The following KIF24 variants were observed in gnomAD, a reference collection of about 807,000 sequenced individuals.
KIF24 encodes kinesin-like protein KIF24.
In KIF24, 81 loss-of-function variants were observed where a neutral mutation model predicts 118.9. The ratio of observed to expected loss-of-function variants is 0.68; its 90% CI spans 0.57 to 0.82. The LOEUF (loss-of-function observed/expected upper bound fraction) is 0.82. Ranked by LOEUF, KIF24 falls within the 40% of genes least tolerant of loss-of-function variation. The pLI is 0.00. For missense variants in KIF24, 1,560 were observed against 1,661.6 expected, an observed-to-expected ratio of 0.94 and a Z score of 1.06; for synonymous variants, 599 against 610.0, an observed-to-expected ratio of 0.98 and a Z score of 0.27.
At chr9:34,285,836 C>T (rs1489288947) in intron 6 of KIF24, among the ~76,000 whole-genome samples, 11 of 147,532 alleles carry the variant, frequency 7.5e-5, no homozygotes, top group Admixed American at 7.4e-4. Context: ...GCCTGCAGTC[C>T]CCAGCTACTT....
chr9:34,256,646 G>T lies in KIF24; in HGVS notation c.2961C>A (p.Ile987=), dbSNP rs779695907. The change falls in exon 11 of 13, where the codon ATC becomes ATA. Residue 987 remains isoleucine (I), a synonymous_variant. Transcript: ENST00000402558. ...LPSPEEDGFT[I]SLSHVAVPGS... ...CAGGAACTGCAACGTGGGACAATGA[G>T]ATAGTGAAACCATCTTCCTCTGGGG... is the stretch of plus-strand genomic sequence containing the variant. The T allele has an allele frequency of 9.9e-6, 16 of 1,613,958 alleles. No individual in the cohort carries two copies. Among genetic ancestry groups the T allele is most frequent in the Admixed American group, 1.7e-5 (1 of 60,020 alleles).
At chr9:34,297,179 T>A in intron 3 of KIF24, 65 bp from the exon 4 acceptor site, 1 of 951,304 alleles carries the variant, frequency 1.1e-6, no homozygotes, top group South Asian at 1.5e-5. Flanking sequence ...ACTATTCTAG[T>A]TAACAGATGA....
chr9:34,309,557 A>G (rs953722168), intron 2 of KIF24, among the ~76,000 whole-genome samples: 3 of 151,688 alleles, frequency 2.0e-5, no homozygotes, highest in South Asian at 2.1e-4. Flanking sequence ...AAAAAAAAAA[A>G]AAAGAAAATA....
chr9:34,319,178 C>T, intron 1 of KIF24: 2 of 1,603,536 alleles, frequency 1.2e-6, no homozygotes, highest in Non-Finnish European at 1.7e-6. Context: ...CGTGGAGATG[C>T]CCCTGGCCCA....
intron 1 of KIF24, among the ~76,000 whole-genome samples, chr9:34,320,046 C>G (rs1563965509): frequency 6.6e-6 from 1 of 152,134 alleles, no homozygotes; most frequent in African/African-American, 2.4e-5. Flanking sequence ...ACCACCTCAG[C>G]CACCTCCCCA....
intron 10 of KIF24, 116 bp downstream of exon 10, chr9:34,259,480 G>A: frequency 1.3e-6 from 1 of 741,450 alleles, no homozygotes; most frequent in Admixed American, 2.0e-5. Flanking sequence ...GTGAGTGGGA[G>A]AGACATGTGC....
At position 34,318,957 on chromosome 9, in the gene KIF24, T is replaced by C. The variant is rs116899333; in HGVS notation, c.-25-7586A>G. The C allele has an allele frequency of 5.9e-3, 8,641 of 1,461,366 alleles. 390 individuals carry two copies. In the East Asian group the frequency reaches 0.13, roughly 22 times the overall value. The allele number at this position is 1,461,366 out of a possible 1,614,324, so 90.5% of individuals were successfully genotyped here. A position where few individuals can be genotyped will look rare whatever the true frequency, so the allele number is the denominator to read the frequency against. On this transcript the variant is annotated intron_variant, in intron 1 of 12. Coordinates refer to ENST00000402558, the MANE Select transcript of KIF24 (RefSeq NM_194313.4). This position sits in a 1 kb window ranked among gnomAD's most constrained non-coding sequence, Gnocchi z 4.9. ...GCCGTGCAGACCACCGACGGCAAGC[T>C]GCCCAAGGTCACCAAGGACATGGAG... is the stretch of plus-strand genomic sequence containing the variant.
At chr9:34,271,459 T>C (rs184449513) in intron 7 of KIF24, among the ~76,000 whole-genome samples, 2 of 152,314 alleles carry the variant, frequency 1.3e-5, no homozygotes, top group African/African-American at 4.8e-5. Flanking sequence ...AATTGTCTTA[T>C]GGCTTCTTTC....
At chr9:34,279,306 G>A (rs1274969909) in intron 6 of KIF24, among the ~76,000 whole-genome samples, 1 of 152,126 alleles carries the variant, frequency 6.6e-6, no homozygotes, top group Non-Finnish European at 1.5e-5. Context: ...TGTGCTTAAG[G>A]ATACATGGCA....
intron 1 of KIF24, among the ~76,000 whole-genome samples, chr9:34,323,105 A>G (rs1383745542): frequency 6.6e-6 from 1 of 152,214 alleles, no homozygotes; most frequent in Non-Finnish European, 1.5e-5. Context: ...AGATGATACT[A>G]GACAACTGCT....
At chr9:34,325,389 C>T (rs1193800924) in intron 1 of KIF24, among the ~76,000 whole-genome samples, 1 of 147,230 alleles carries the variant, frequency 6.8e-6, no homozygotes, top group Non-Finnish European at 1.5e-5. Context: ...TTTTTATACC[C>T]AGGTTCTAAA....
intron 9 of KIF24, among the ~76,000 whole-genome samples, chr9:34,260,000 C>T (rs1017407829): frequency 3.3e-5 from 5 of 152,216 alleles, no homozygotes; most frequent in South Asian, 4.1e-4. Flanking sequence ...TACTCTTCTA[C>T]GCTAGCATGT....
At chr9:34,271,598 T>G (rs1835511167) in intron 7 of KIF24, among the ~76,000 whole-genome samples, 1 of 152,216 alleles carries the variant, frequency 6.6e-6, no homozygotes, top group African/African-American at 2.4e-5. Flanking sequence ...TTTTAATAAC[T>G]TAGGGTTGAC....
intron 1 of KIF24, among the ~76,000 whole-genome samples, chr9:34,321,735 T>G (rs1182822157): frequency 1.3e-5 from 2 of 151,826 alleles, no homozygotes; most frequent in Middle Eastern, 6.8e-3. Context: ...GTCTCCCAAG[T>G]AGCTGGGACT....
chr9:34,283,024 C>T (rs1444959589), intron 6 of KIF24, among the ~76,000 whole-genome samples: 2 of 125,384 alleles, frequency 1.6e-5, no homozygotes, highest in Non-Finnish European at 3.1e-5. Context: ...TGCACTCCAG[C>T]GTGGGCGACA....
chr9:34,325,720 G>T (rs975027563), intron 1 of KIF24, among the ~76,000 whole-genome samples: 18 of 152,116 alleles, frequency 1.2e-4, no homozygotes, highest in African/African-American at 4.1e-4. Context: ...AAATAAAAGA[G>T]TGATTGGAAA....
chr9:34,256,293 A>G lies in KIF24; in HGVS notation c.3314T>C (p.Val1105Ala), dbSNP rs1385954742. The G allele has an allele frequency of 6.2e-7, 1 of 1,612,068 alleles. No individual in the cohort carries two copies. The highest frequency in any genetic ancestry group is 1.7e-5 in the Admixed American group (1 of 59,832). The change falls in exon 11 of 13, where the codon GTG becomes GCG. Residue 1105 changes from valine (V) to alanine (A), a missense_variant. Physicochemically the swap from Val to Ala is moderately conservative, Grantham distance 64. Transcript: ENST00000402558. Reference sequence around the variant, plus strand: ...CCACAGGTGCCTAGTTGCTGAAGACACTGGCAAGGCTGCCTCTTGATCACC... The same window carrying G: ...CCACAGGTGCCTAGTTGCTGAAGACGCTGGCAAGGCTGCCTCTTGATCACC... ...PSGDQEAALP[V>A]SSATRHLWLS...
Position 34,318,348 on chromosome 9 carries a change from CAGCTTGACCT to C in KIF24, c.-25-6987_-25-6978del. 2 of 628,188 alleles carry C rather than the reference CAGCTTGACCT, an allele frequency of 3.2e-6. No homozygotes were observed. Among genetic ancestry groups the C allele is most frequent in the South Asian group, 3.4e-5 (2 of 58,300 alleles). 38.9% of individuals were successfully genotyped at this position (628,188 alleles called of 1,614,324 possible). On this transcript the variant is annotated intron_variant, in intron 1 of 12. Transcript: ENST00000402558. This position sits in a 1 kb window ranked among gnomAD's most constrained non-coding sequence, Gnocchi z 4.9. ...CAGCCCAGCCCAACCCAGCCCAACC[CAGCTTGACCT>C]AGCCCTGACAGGTCCATCGTGGTGC...
chr9:34,270,291 C>T (rs895473220), intron 7 of KIF24, among the ~76,000 whole-genome samples: 5 of 151,280 alleles, frequency 3.3e-5, no homozygotes, highest in South Asian at 4.2e-4. Context: ...CTGAGGCGGG[C>T]GGATCATGAG....
Sources: gnomAD v4.1 joint callset for allele counts (sites outside exome capture counted in the v4.1 genomes callset) on GRCh38, gnomAD v4.1.1 for gene constraint, Gnocchi (gnomAD v3.1) non-coding constraint, MANE v1.5 for transcripts, NCBI Gene and HGNC (gene_info 2026-07-23, HGNC 2026-07-21) for gene names.